Variants in LGSN observed in about 807,000 individuals in gnomAD.
The protein encoded by LGSN is lengsin, lens protein with glutamine synthetase domain.
Under a neutral mutation model 19.5 loss-of-function variants are expected in LGSN, and 21 were observed. The ratio of observed to expected loss-of-function variants is 1.07; its 90% CI spans 0.76 to 1.55. The LOEUF (loss-of-function observed/expected upper bound fraction) is 1.55. LGSN is among the 40% of genes most tolerant of loss of function. LGSN has a pLI of 0.00. For synonymous variants in LGSN, 257 were observed against 215.6 expected, an observed-to-expected ratio of 1.19 and a Z score of -1.68; for missense variants, 673 against 608.5, an observed-to-expected ratio of 1.11 and a Z score of -1.12.
intron 1 of LGSN, among the ~76,000 whole-genome samples, chr6:63,310,560 T>C (rs184918709): frequency 1.8e-4 from 27 of 152,228 alleles, no homozygotes; most frequent in Admixed American, 9.8e-4. Context: ...GATAAAAATA[T>C]AAAATATAAA....
At chr6:63,397,122 G>A in the LGSN span, 2 of 152,290 alleles carry the variant, frequency 1.3e-5, no homozygotes. Context: ...GAAGCACTAC[G>A]GGAGAATTAC....
chr6:63,395,503 T>C, the LGSN span: 1 of 152,298 alleles, frequency 6.6e-6, no homozygotes, highest in Non-Finnish European at 1.5e-5. Flanking sequence ...CTTCTGGCTC[T>C]TGTGGCTTTA....
chr6:63,363,894 G>T, the LGSN span, among the ~76,000 whole-genome samples: 934 of 152,100 alleles, frequency 6.1e-3, 7 homozygotes, highest in African/African-American at 0.021. Flanking sequence ...AGACACAATT[G>T]TCAGATTCAA....
intron 1 of LGSN, among the ~76,000 whole-genome samples, chr6:63,318,967 A>G (rs1488243882): frequency 6.6e-6 from 1 of 152,210 alleles, no homozygotes; most frequent in African/African-American, 2.4e-5. Flanking sequence ...CATGTCCACC[A>G]TTTGATGCCT....
the LGSN span, among the ~76,000 whole-genome samples, chr6:63,439,314 C>T: frequency 1.3e-5 from 2 of 151,814 alleles, no homozygotes; most frequent in Non-Finnish European, 2.9e-5. Context: ...TGTTAACTAA[C>T]CTGCATATTG....
chr6:63,432,468 G>A, the LGSN span, among the ~76,000 whole-genome samples: 2 of 151,862 alleles, frequency 1.3e-5, no homozygotes, highest in East Asian at 3.9e-4. Context: ...GAGGCAGGTG[G>A]ATCACCAGAT....
chr6:63,516,260 G>T, the LGSN span, among the ~76,000 whole-genome samples: 6 of 152,156 alleles, frequency 3.9e-5, no homozygotes, highest in Non-Finnish European at 7.3e-5. Flanking sequence ...CAAAAGGTCA[G>T]CAAAAGTAAA....
intron 2 of LGSN, among the ~76,000 whole-genome samples, chr6:63,291,448 G>A (rs1035447336): frequency 6.6e-6 from 1 of 152,108 alleles, no homozygotes; most frequent in Non-Finnish European, 1.5e-5. Context: ...GTGGGAATAT[G>A]ACTTTCCCCT....
At position 63,296,563 on chromosome 6, in the gene LGSN, A is replaced by T. The variant is rs746529516; in HGVS notation, c.31-1518T>A. ...GAAAATGAAATACTTAGCCAGGTATATAATTATCAATGCAATATGAGCAGA... is the reference window on the plus strand; with the variant it reads ...GAAAATGAAATACTTAGCCAGGTATTTAATTATCAATGCAATATGAGCAGA... On this transcript the variant is annotated intron_variant, in intron 1 of 3. Transcript: ENST00000370657. 3.3e-5 allele frequency among the ~76,000 whole-genome samples: 5 copies of T among 152,042 alleles called. No homozygotes were observed. The South Asian group carries it at 6.2e-4, about 19-fold the overall frequency.
At chr6:63,315,821 C>T (rs1271747779) in intron 1 of LGSN, among the ~76,000 whole-genome samples, 1 of 150,584 alleles carries the variant, frequency 6.6e-6, no homozygotes, top group Non-Finnish European at 1.5e-5. Flanking sequence ...CTTCATGCTA[C>T]TTACAAACTT....
At chr6:63,388,027 A>C in the LGSN span, among the ~76,000 whole-genome samples, 2 of 148,954 alleles carry the variant, frequency 1.3e-5, no homozygotes, top group South Asian at 2.1e-4. Flanking sequence ...CATCATGCCC[A>C]GCTAATTTTT....
chr6:63,397,007 C>T, the LGSN span: 1 of 152,460 alleles, frequency 6.6e-6, no homozygotes, highest in Admixed American at 6.6e-5. Flanking sequence ...AAGAGAATGC[C>T]TGAGCTGGGA....
the LGSN span, among the ~76,000 whole-genome samples, chr6:63,539,674 C>T: frequency 6.6e-6 from 1 of 151,876 alleles, no homozygotes; most frequent in South Asian, 2.1e-4. Flanking sequence ...GAGGCTGAGG[C>T]AGGGGAATTG....
chr6:63,462,158 T>C, the LGSN span, among the ~76,000 whole-genome samples: 1 of 152,220 alleles, frequency 6.6e-6, no homozygotes, highest in African/African-American at 2.4e-5. Flanking sequence ...TATAAACTTA[T>C]CATCTTATAA....
chr6:63,508,737 C>T, the LGSN span, among the ~76,000 whole-genome samples: 2 of 151,488 alleles, frequency 1.3e-5, no homozygotes, highest in Non-Finnish European at 2.9e-5. Flanking sequence ...ACCAACTTGG[C>T]GAAATCCTGC....
chr6:63,384,191 T>C, the LGSN span, among the ~76,000 whole-genome samples: 45 of 152,174 alleles, frequency 3.0e-4, no homozygotes, highest in Non-Finnish European at 5.0e-4. Context: ...CTGATTTCAT[T>C]TGATGTCTAC....
chr6:63,382,682 A>G, the LGSN span, among the ~76,000 whole-genome samples: 2 of 152,160 alleles, frequency 1.3e-5, no homozygotes, highest in Non-Finnish European at 2.9e-5. Context: ...GTAGACATAT[A>G]TACTTGATAA....
the LGSN span, among the ~76,000 whole-genome samples, chr6:63,419,932 A>G: frequency 1.9e-5 from 2 of 106,638 alleles, no homozygotes; most frequent in Non-Finnish European, 3.6e-5. Flanking sequence ...AAAGCCTGGT[A>G]TGGTGGCTCA....
At chr6:63,304,116 T>C (rs1302539184) in intron 1 of LGSN, among the ~76,000 whole-genome samples, 2 of 152,220 alleles carry the variant, frequency 1.3e-5, no homozygotes, top group Non-Finnish European at 2.9e-5. Context: ...AGCAACCTTA[T>C]CTCTTGATGG....
Sources: gnomAD v4.1 joint callset for allele counts (sites outside exome capture counted in the v4.1 genomes callset) on GRCh38, gnomAD v4.1.1 for gene constraint, MANE v1.5 for transcripts, NCBI Gene and HGNC (gene_info 2026-07-23, HGNC 2026-07-21) for gene names.